C5: variants seen among roughly 807,000 people sequenced by gnomAD.
C5 encodes C3 and PZP-like alpha-2-macroglobulin domain-containing protein 4.
Under a neutral mutation model 218.8 loss-of-function variants are expected in C5, and 140 were observed. The ratio of observed to expected loss-of-function variants is 0.64; its 90% CI spans 0.56 to 0.74. The LOEUF (loss-of-function observed/expected upper bound fraction) is 0.74. Ranked by LOEUF, C5 falls within the 30% of genes least tolerant of loss-of-function variation. The pLI is 0.00. For missense variants in C5, 1,700 were observed against 1,969.6 expected, an observed-to-expected ratio of 0.86 and a Z score of 2.59; for synonymous variants, 614 against 682.3, an observed-to-expected ratio of 0.90 and a Z score of 1.56.
chr9:120,972,609 G>A (rs1289192421), intron 30 of C5, among the ~76,000 whole-genome samples: 1 of 152,128 alleles, frequency 6.6e-6, no homozygotes, highest in East Asian at 1.9e-4. Flanking sequence ...TTCCCACTCT[G>A]CTAGGAGGAA....
At chr9:120,961,135 TAAG>T in intron 37 of C5, among the ~76,000 whole-genome samples, 1 of 152,218 alleles carries the variant, frequency 6.6e-6, no homozygotes, top group Middle Eastern at 3.4e-3. Flanking sequence ...CTGGGAAGTA[TAAG>T]AGAAAAGGAA....
At chr9:121,021,784 A>C in intron 10 of C5, 90 bp from the exon 11 acceptor site, 1 of 1,142,230 alleles carries the variant, frequency 8.8e-7, no homozygotes, top group African/African-American at 1.5e-5. Context: ...CTCCCCACCA[A>C]AGTATAAATT....
chr9:120,985,798 T>C (rs2047028630), intron 25 of C5, among the ~76,000 whole-genome samples: 1 of 152,238 alleles, frequency 6.6e-6, no homozygotes, highest in South Asian at 2.1e-4. Context: ...AACCATTCTT[T>C]CTTTTACAAT....
intron 7 of C5, among the ~76,000 whole-genome samples, chr9:121,029,076 C>G (rs180785830): frequency 1.1e-4 from 16 of 152,196 alleles, no homozygotes; most frequent in Admixed American, 9.8e-4. Flanking sequence ...GAGATCTATT[C>G]ATAAAAAATT....
intron 29 of C5, among the ~76,000 whole-genome samples, chr9:120,975,373 T>C (rs900221573): frequency 2.6e-5 from 4 of 152,152 alleles, no homozygotes; most frequent in Non-Finnish European, 4.4e-5. Flanking sequence ...CTTTTATTTA[T>C]AGTTTATTGT....
Position 120,980,110 on chromosome 9 carries a change from C to T in C5, c.3631G>A (p.Ala1211Thr), listed in dbSNP as rs751922956. 9.9e-6 allele frequency: 16 copies of T among 1,614,102 alleles called. No individual in the cohort carries two copies. The East Asian group carries it at 2.9e-4, about 29-fold the overall frequency. Residue 1211 changes from alanine (A) to threonine (T), a missense_variant, in exon 28 of 41, where the codon GCT (alanine) becomes ACT (threonine). By Grantham distance (58) the Ala-to-Thr change is moderately conservative (BLOSUM62 0). Transcript: ENST00000223642. The stretch of plus-strand genomic sequence containing the variant: ...TTAACCAAAGCTTCTCTCTTCAAAG[C>T]TGAAACAATTGAACGAAACTGTGGG... ...THPQFRSIVS[A>T]LKREALVKGN...
chr9:120,977,383 G>GA (rs1357592341), intron 28 of C5, among the ~76,000 whole-genome samples: 2 of 152,092 alleles, frequency 1.3e-5, no homozygotes, highest in South Asian at 4.1e-4. Flanking sequence ...TCCAAAATCT[G>GA]AAAAAAATCT....
intron 7 of C5, among the ~76,000 whole-genome samples, chr9:121,029,017 GTTTTC>G (rs901471369): frequency 2.0e-5 from 3 of 151,980 alleles, no homozygotes; most frequent in Non-Finnish European, 4.4e-5. Flanking sequence ...GCTACTCTCT[GTTTTC>G]TTTTATGTTT....
chr9:121,072,812 TAAAAAAAA>T, the C5 span, among the ~76,000 whole-genome samples: 3 of 98,606 alleles, frequency 3.0e-5, no homozygotes, highest in African/African-American at 7.0e-5. Flanking sequence ...TTCAAAAAAT[TAAAAAAAA>T]AAAAAAAAAA....
At position 120,992,934 on chromosome 9, in the gene C5, C is replaced by T. The variant is rs902326800; in HGVS notation, c.2852-1654G>A. 2.6e-5 allele frequency among the ~76,000 whole-genome samples: 4 copies of T among 152,180 alleles called. No homozygotes were observed. In the South Asian group the frequency reaches 6.2e-4, roughly 24 times the overall value. The stretch of plus-strand genomic sequence containing the variant: ...AGGCTTGTTGTTGCTCAAAGAGGTA[C>T]ATCAGAGACAAAATCAAGAAGAAAT... On this transcript the variant is annotated intron_variant, in intron 22 of 40. Transcript: ENST00000223642.
Position 120,963,710 on chromosome 9 carries a change from A to G in C5, c.4249T>C (p.Ser1417Pro), listed in dbSNP as rs778334317. ...TCCATCACCGCATGAGAGGATCCAG[A>G]TGATGATTCTTCCCTGCTGGGCTTG... is the stretch of plus-strand genomic sequence containing the variant. The part of the protein sequence containing the change: ...SYKPSREESS[S>P]GSSHAVMDIS... The change falls in exon 34 of 41, where the codon TCT becomes CCT. Residue 1417 changes from serine (S) to proline (P), a missense_variant. Transcript: ENST00000223642. 6.2e-7 allele frequency: 1 copy of G among 1,613,684 alleles called. No homozygotes were observed. The highest frequency in any genetic ancestry group is 1.1e-5 in the South Asian group (1 of 91,074).
the C5 span, among the ~76,000 whole-genome samples, chr9:121,073,401 C>T: frequency 6.6e-6 from 1 of 151,846 alleles, no homozygotes; most frequent in Non-Finnish European, 1.5e-5. Context: ...TCTGGGTAAC[C>T]TTTGTCTAAT....
At position 120,953,842 on chromosome 9, in the gene C5, C is replaced by T; in HGVS notation, c.4789G>A (p.Glu1597Lys). The T allele has an allele frequency of 6.2e-7, 1 of 1,614,080 alleles. No individual in the cohort carries two copies. The highest frequency in any genetic ancestry group is 8.5e-7 in the Non-Finnish European group (1 of 1,179,916). Residue 1597 changes from glutamate to lysine, a missense_variant, in exon 40 of 41, where the codon GAG becomes AAG. Coordinates refer to ENST00000223642, the MANE Select transcript of C5 (RefSeq NM_001735.3). ...GTTACCTTTTTAATGAAGGTAATCT[C>T]AGAGTCTTTCTCAGCAACAGCTTCC... Reference protein sequence around the residue: ...TGEAVAEKDSEITFIKKVTCT... With the variant: ...TGEAVAEKDSKITFIKKVTCT...
At chr9:121,051,683 G>T (rs2047672355), upstream of C5, among the ~76,000 whole-genome samples, 1 of 152,034 alleles carries the variant, frequency 6.6e-6, no homozygotes. Context: ...CTTTAATGCT[G>T]AATTCACTAG....
At chr9:121,000,806 C>G (rs947803995) in intron 20 of C5, among the ~76,000 whole-genome samples, 2 of 152,124 alleles carry the variant, frequency 1.3e-5, no homozygotes, top group Non-Finnish European at 2.9e-5. Context: ...CCTAATAGGT[C>G]ATTTTTTGAT....
chr9:120,953,022 C>T (rs1037266576), intron 40 of C5, among the ~76,000 whole-genome samples, 154 bp from the exon 41 acceptor site: 2 of 152,188 alleles, frequency 1.3e-5, no homozygotes, highest in African/African-American at 4.8e-5. Context: ...CTCTCGGGTT[C>T]ACGCCATTCT....
At chr9:121,006,558 T>C (rs1030004994) in intron 19 of C5, among the ~76,000 whole-genome samples, 21 of 152,186 alleles carry the variant, frequency 1.4e-4, no homozygotes, top group African/African-American at 5.1e-4. Flanking sequence ...AAATAAAGAC[T>C]TGAGGCTGGG....
chr9:120,988,106 T>C (rs1264743125), intron 25 of C5, among the ~76,000 whole-genome samples: 1 of 152,170 alleles, frequency 6.6e-6, no homozygotes, highest in African/African-American at 2.4e-5. Flanking sequence ...TTTTTGAAAA[T>C]AGACTGCCAT....
chr9:120,995,377 G>A (rs1231288525), intron 22 of C5, among the ~76,000 whole-genome samples: 1 of 152,018 alleles, frequency 6.6e-6, no homozygotes, highest in African/African-American at 2.4e-5. Context: ...AAAGAGAATG[G>A]TTAACTGGCC....
Sources: allele counts gnomAD v4.1 joint callset (sites outside exome capture counted in the v4.1 genomes callset), GRCh38; gene constraint gnomAD v4.1.1; transcripts MANE v1.5; gene names NCBI Gene and HGNC (gene_info 2026-07-23, HGNC 2026-07-21).